Variants in UBTD1 observed in about 807,000 individuals in gnomAD.
UBTD1 encodes the protein ubiquitin domain-containing protein 1.
A neutral mutation model predicts 21.7 loss-of-function variants in UBTD1; 19 were observed. The observed-to-expected ratio is 0.87, with a 90% CI of 0.61 to 1.28. The LOEUF is 1.28. Among genes scored for constraint, UBTD1 ranks in the 50% most tolerant of loss-of-function variants. UBTD1 has a pLI of 0.00. For missense variants in UBTD1, 282 were observed against 315.1 expected (o/e 0.89, Z 0.80); for synonymous variants, 116 against 135.1 (o/e 0.86, Z 0.98).
intron 1 of UBTD1, among the ~76,000 whole-genome samples, chr10:97,521,510 C>T (rs373896657): frequency 7.3e-4 from 111 of 152,366 alleles, no homozygotes; most frequent in African/African-American, 2.4e-3. Flanking sequence ...GCACACGCTG[C>T]AGAGCCTTCC....
intron 1 of UBTD1, among the ~76,000 whole-genome samples, chr10:97,500,541 T>C (rs1420715232): frequency 1.3e-5 from 2 of 152,248 alleles, no homozygotes; most frequent in Non-Finnish European, 2.9e-5. Flanking sequence ...AGGGCTGGCT[T>C]GCTTTCATTC....
intron 1 of UBTD1, among the ~76,000 whole-genome samples, chr10:97,540,363 G>A (rs927631135): frequency 1.3e-5 from 2 of 152,190 alleles, no homozygotes; most frequent in Non-Finnish European, 2.9e-5. Context: ...GAGCGCTTGT[G>A]ACCTACCAGT....
chr10:97,570,827 T>A lies in UBTD1; in HGVS notation c.*304T>A. ...AACCAGGAGGCCCCTGGAGCCCAGATCTGTCATCTGGTGCTGCCAGCTGTG... is the reference window on the plus strand; with the variant it reads ...AACCAGGAGGCCCCTGGAGCCCAGAACTGTCATCTGGTGCTGCCAGCTGTG... On this transcript the variant is annotated 3_prime_UTR_variant, in exon 3 of 3. Transcript: ENST00000370664. The surrounding 1 kb of genome is among the most constrained non-coding windows in gnomAD (Gnocchi z 6.6). 2.7e-6 allele frequency: 1 copy of A among 373,192 alleles called. No homozygotes were observed. 23.1% of individuals were successfully genotyped at this position (373,192 alleles called of 1,614,324 possible).
intron 1 of UBTD1, among the ~76,000 whole-genome samples, chr10:97,530,299 A>G (rs996795884): frequency 5.3e-5 from 8 of 152,224 alleles, no homozygotes; most frequent in Non-Finnish European, 1.2e-4. Context: ...TGAGCTGTGC[A>G]TGGTGGCTTA....
At chr10:97,562,673 G>A (rs1175403650) in intron 1 of UBTD1, among the ~76,000 whole-genome samples, 2 of 152,006 alleles carry the variant, frequency 1.3e-5, no homozygotes, top group Non-Finnish European at 2.9e-5. Flanking sequence ...TTGTCACAAA[G>A]TCAATTGATC....
intron 1 of UBTD1, among the ~76,000 whole-genome samples, chr10:97,529,921 G>A (rs938382420): frequency 3.9e-5 from 6 of 152,120 alleles, no homozygotes; most frequent in African/African-American, 1.4e-4. Context: ...CCTCTGTCTG[G>A]CGAGCCCAGC....
chr10:97,512,228 CCACACAGAGA>C (rs1309677157), intron 1 of UBTD1, among the ~76,000 whole-genome samples: 9 of 152,286 alleles, frequency 5.9e-5, no homozygotes, highest in Non-Finnish European at 1.0e-4. Flanking sequence ...ATCCAAGAGT[CCACACAGAGA>C]CACACAGAGA....
At chr10:97,513,956 C>T (rs2040432725) in intron 1 of UBTD1, among the ~76,000 whole-genome samples, 1 of 151,848 alleles carries the variant, frequency 6.6e-6, no homozygotes, top group South Asian at 2.1e-4. Context: ...AAGCACTTCT[C>T]CCACCTTGGC....
At position 97,570,169 on chromosome 10, in the gene UBTD1, C is replaced by T. The variant is rs1484134421; in HGVS notation, c.330C>T (p.Gly110=). ...GTLCECYDEL[G]NRYQLPIYCL... ...TCTGTGAATGCTACGATGAGCTGGG[C>T]AATCGCTACCAGCTGCCCATCTACT... The change falls in exon 3 of 3, where the codon GGC becomes GGT. Residue 110 remains glycine, a synonymous_variant. Transcript: ENST00000370664. This position sits in a 1 kb window ranked among gnomAD's most constrained non-coding sequence, Gnocchi z 6.6. 1 of 1,612,082 alleles carries T rather than the reference C, an allele frequency of 6.2e-7. No individual in the cohort carries two copies. Among genetic ancestry groups the T allele is most frequent in the Non-Finnish European group, 8.5e-7 (1 of 1,179,232 alleles).
In UBTD1 at chr10:97,570,550, C is replaced by A. The variant is rs745943092; in HGVS notation, c.*27C>A. Reference sequence around the variant, plus strand: ...GGGCCCACGGACCCCTGGGAAGAGGCCCCGCCTGGAGCACTAGGCCCCCAC... The same window carrying A: ...GGGCCCACGGACCCCTGGGAAGAGGACCCGCCTGGAGCACTAGGCCCCCAC... On this transcript the variant is annotated 3_prime_UTR_variant, in exon 3 of 3. Transcript: ENST00000370664. This position sits in a 1 kb window ranked among gnomAD's most constrained non-coding sequence, Gnocchi z 6.6. 47 of 1,565,068 alleles carry A rather than the reference C, an allele frequency of 3.0e-5. No homozygotes were observed. Among genetic ancestry groups the A allele is most frequent in the Non-Finnish European group, 3.7e-5 (43 of 1,149,384 alleles).
chr10:97,504,119 A>G (rs2040388920), intron 1 of UBTD1, among the ~76,000 whole-genome samples: 1 of 152,014 alleles, frequency 6.6e-6, no homozygotes. Flanking sequence ...CATTTAATCA[A>G]TAAATCCTGT....
At chr10:97,507,472 A>G (rs972700399) in intron 1 of UBTD1, among the ~76,000 whole-genome samples, 6 of 151,030 alleles carry the variant, frequency 4.0e-5, no homozygotes, top group Admixed American at 3.3e-4. Context: ...CCTCGTCTCT[A>G]TTAAAAAAAA....
At chr10:97,550,761 A>T (rs114970903) in intron 1 of UBTD1, among the ~76,000 whole-genome samples, 3,792 of 152,148 alleles carry the variant, frequency 0.025, 154 homozygotes, top group African/African-American at 0.084. Flanking sequence ...ACACACTCAC[A>T]CTCATAGATG....
At chr10:97,533,695 G>A (rs568814392) in intron 1 of UBTD1, among the ~76,000 whole-genome samples, 2 of 152,052 alleles carry the variant, frequency 1.3e-5, no homozygotes, top group South Asian at 2.1e-4. Context: ...GGACTGAGGC[G>A]GGCAGATCAC....
chr10:97,527,161 C>T (rs2040492865), intron 1 of UBTD1, among the ~76,000 whole-genome samples: 1 of 113,572 alleles, frequency 8.8e-6, no homozygotes, highest in Non-Finnish European at 1.7e-5. Flanking sequence ...CAAAGCGAAA[C>T]TCTTGTCTCC....
At chr10:97,521,163 GT>G (rs1306080216) in intron 1 of UBTD1, among the ~76,000 whole-genome samples, 2 of 152,168 alleles carry the variant, frequency 1.3e-5, no homozygotes, top group Non-Finnish European at 2.9e-5. Flanking sequence ...GTAGTGTTTT[GT>G]TTTGTTTGCC....
At chr10:97,544,627 A>G (rs2040600500) in intron 1 of UBTD1, among the ~76,000 whole-genome samples, 1 of 152,178 alleles carries the variant, frequency 6.6e-6, no homozygotes, top group African/African-American at 2.4e-5. Flanking sequence ...ATTAACACAT[A>G]TTTTGTATAT....
intron 1 of UBTD1, among the ~76,000 whole-genome samples, chr10:97,530,040 C>A (rs896228433): frequency 3.3e-5 from 5 of 152,164 alleles, no homozygotes; most frequent in African/African-American, 1.2e-4. Context: ...CCCCCTGATT[C>A]CTGTGCATAT....
rs1304075790 is a variant in UBTD1 at position 97,539,375 on chromosome 10, G to T, written c.71-28539G>T. On this transcript the variant is annotated intron_variant, in intron 1 of 2. Transcript: ENST00000370664. Reference sequence around the variant, plus strand: ...TTAGGAGGCTAAGGCGGGAGGATCAGTTGAGCTCAGGAGTTCAAGACCAGT... The same window carrying T: ...TTAGGAGGCTAAGGCGGGAGGATCATTTGAGCTCAGGAGTTCAAGACCAGT... Among the ~76,000 whole-genome samples, 4 of 152,178 alleles carry T rather than the reference G, an allele frequency of 2.6e-5. No individual in the cohort carries two copies. In the South Asian group the frequency reaches 8.3e-4, roughly 32 times the overall value.
Sources: allele counts gnomAD v4.1 joint callset (sites outside exome capture counted in the v4.1 genomes callset), GRCh38; gene constraint gnomAD v4.1.1; non-coding constraint Gnocchi (gnomAD v3.1); transcripts MANE v1.5; gene names NCBI Gene and HGNC (gene_info 2026-07-23, HGNC 2026-07-21).